NLRP2: variants seen among roughly 807,000 people sequenced by gnomAD.
NLRP2 encodes NACHT, LRR and PYD domains-containing protein 2.
Under a neutral mutation model 97.2 loss-of-function variants are expected in NLRP2, and 107 were observed. The observed-to-expected ratio is 1.10, with a 90% CI of 0.94 to 1.29. NLRP2 has a LOEUF of 1.29. Ranked by LOEUF, NLRP2 falls within the 50% of genes most tolerant of loss-of-function variation. The probability of loss-of-function intolerance (pLI) is 0.00; values close to 1 mark genes in which losing one functional copy is unlikely to be tolerated. For missense variants in NLRP2, 1,495 were observed against 1,330.3 expected (o/e 1.12, Z -1.93); for synonymous variants, 663 against 551.5 (o/e 1.20, Z -2.83).
At chr19:54,998,880 T>C (rs1335035330) in intron 12 of NLRP2, among the ~76,000 whole-genome samples, 3 of 151,288 alleles carry the variant, frequency 2.0e-5, no homozygotes, top group African/African-American at 7.3e-5. Flanking sequence ...AAAGCATATC[T>C]TGCACCGCCC....
intron 1 of NLRP2, among the ~76,000 whole-genome samples, chr19:54,967,891 T>C (rs1407522694): frequency 5.3e-5 from 8 of 151,554 alleles, no homozygotes; most frequent in Non-Finnish European, 1.2e-4. Flanking sequence ...TTATACCCTT[T>C]CTGTAAAGTT....
intron 10 of NLRP2, chr19:54,993,551 T>TAAAA: frequency 6.4e-6 from 1 of 156,276 alleles, no homozygotes; most frequent in Non-Finnish European, 1.4e-5. Flanking sequence ...TGTAAGACAC[T>TAAAA]ACCTCTCTAG....
In NLRP2 at chr19:54,977,796, C is replaced by G; in HGVS notation, c.370C>G (p.Leu124Val). Residue 124 changes from leucine to valine, a missense_variant, in exon 4 of 13, where the codon CTG (leucine) becomes GTG (valine). Leu to Val is a conservative substitution (Grantham distance 32, BLOSUM62 1). Coordinates refer to ENST00000448584, the MANE Select transcript of NLRP2 (RefSeq NM_017852.5). ...ERPPLDVDEM[L>V]ERFKTEAQAF... Reference sequence around the variant, plus strand: ...ACCACCTCTAGACGTGGACGAAATGCTGGAGCGCTTCAAAACAGAAGCACA... The same window carrying G: ...ACCACCTCTAGACGTGGACGAAATGGTGGAGCGCTTCAAAACAGAAGCACA... 1 of 1,613,806 alleles carries G rather than the reference C, an allele frequency of 6.2e-7. No homozygotes were observed. The highest frequency in any genetic ancestry group is 8.5e-7 in the Non-Finnish European group (1 of 1,180,006).
chr19:54,970,366 G>T, intron 2 of NLRP2, 71 bp downstream of exon 2: 1 of 1,582,872 alleles, frequency 6.3e-7, no homozygotes, highest in Non-Finnish European at 8.7e-7. Context: ...TAGAAATTCA[G>T]AAGGCCAGGC....
In NLRP2 at chr19:54,982,612, G is replaced by T. The variant is rs1451739013; in HGVS notation, c.914G>T (p.Cys305Phe). The T allele has an allele frequency of 3.7e-6, 6 of 1,614,166 alleles. No homozygotes were observed. The highest frequency in any genetic ancestry group is 2.2e-5 in the East Asian group (1 of 44,876). ...CCTGGGGCGCTGATCGAGGACATCT[G>T]CGGGGACTGGGAGAAGAAGAAGCCG... Reference protein sequence around the residue: ...AAPGALIEDICGDWEKKKPVP... With the variant: ...AAPGALIEDIFGDWEKKKPVP... Residue 305 changes from cysteine to phenylalanine, a missense_variant, in exon 6 of 13, where the codon TGC becomes TTC. Cys to Phe is a radical substitution (Grantham distance 205). Transcript: ENST00000448584.
intron 1 of NLRP2, among the ~76,000 whole-genome samples, chr19:54,969,000 T>C (rs1182283963): frequency 6.6e-6 from 1 of 152,100 alleles, no homozygotes; most frequent in Non-Finnish European, 1.5e-5. Context: ...CGCGCCCGGC[T>C]GTGTGTTTGC....
In NLRP2 at chr19:54,982,468, GT is replaced by G. The variant is rs1420418157; in HGVS notation, c.774del (p.Phe258LeufsTer20). On this transcript the variant is annotated frameshift_variant, in exon 6 of 13. Coordinates refer to ENST00000448584, the MANE Select transcript of NLRP2 (RefSeq NM_017852.5). LOFTEE classifies it high-confidence loss of function. ...CRELSRLGPC[S>X]FAELVFRDWP... is the part of the protein sequence containing the mutation. ...GAGCTCAGCCGCCTGGGCCCGTGCAGTTTTGCAGAGCTGGTCTTCAGGGACT... is the reference window on the plus strand; with the variant it reads ...GAGCTCAGCCGCCTGGGCCCGTGCAGTTTGCAGAGCTGGTCTTCAGGGACT... The G allele has an allele frequency of 1.9e-6, 3 of 1,614,202 alleles. No individual in the cohort carries two copies. The highest frequency in any genetic ancestry group is 2.5e-6 in the Non-Finnish European group (3 of 1,180,044).
At chr19:54,973,644 G>A (rs138777082) in intron 2 of NLRP2, among the ~76,000 whole-genome samples, 5 of 152,100 alleles carry the variant, frequency 3.3e-5, no homozygotes, top group Admixed American at 3.3e-4. Flanking sequence ...AGAGTGCTGG[G>A]ATTACAGGTG....
rs779497035 is a variant in NLRP2 at position 54,994,435 on chromosome 19, C to T, written c.2875C>T (p.Leu959=). ...LRKPLCNLRC[L]WLWGCSIPPF... ...GAAACCACTGTGCAACTTGAGATGT[C>T]TGTGGTGAGTTAACTTATAAGTTCA... The change falls in exon 11 of 13, where the codon CTG becomes TTG. Residue 959 remains leucine, a synonymous_variant. Transcript: ENST00000448584. 24 of 1,612,556 alleles carry T rather than the reference C, an allele frequency of 1.5e-5. No individual in the cohort carries two copies. Among genetic ancestry groups the T allele is most frequent in the Non-Finnish European group, 1.9e-5 (23 of 1,180,018 alleles).
intron 8 of NLRP2, among the ~76,000 whole-genome samples, chr19:54,987,135 C>A (rs919954427): frequency 4.7e-5 from 7 of 149,440 alleles, no homozygotes; most frequent in Admixed American, 1.3e-4. Context: ...TCTACCCCCC[C>A]ACCCCCACCC....
chr19:54,982,289 C>T lies in NLRP2; in HGVS notation c.591C>T (p.Asn197=), dbSNP rs2071629143. ...ACAAGATGCTGATCCCATTCAGCAA[C>T]CCCAGGGTGCTTCCCGGGCCCTTCT... ...ERYKMLIPFS[N]PRVLPGPFSY... is the part of the protein sequence containing the mutation. Residue 197 remains asparagine (N), a synonymous_variant, in exon 6 of 13, where the codon AAC becomes AAT. Coordinates refer to ENST00000448584, the MANE Select transcript of NLRP2 (RefSeq NM_017852.5). The T allele has an allele frequency of 6.2e-7, 1 of 1,613,964 alleles. No individual in the cohort carries two copies. Among genetic ancestry groups the T allele is most frequent in the Admixed American group, 1.7e-5 (1 of 59,982 alleles).
intron 10 of NLRP2, 36 bp from the exon 11 acceptor site, chr19:54,994,233 G>A (rs1371185804): frequency 6.8e-6 from 11 of 1,612,862 alleles, no homozygotes; most frequent in Non-Finnish European, 8.5e-6. Flanking sequence ...GAACTCACAG[G>A]TTCGGGTTTG....
chr19:54,995,681 A>G (rs1671133), intron 11 of NLRP2, among the ~76,000 whole-genome samples: 1 of 151,864 alleles, frequency 6.6e-6, no homozygotes, highest in South Asian at 2.1e-4. Flanking sequence ...TCTTACAAAT[A>G]CCTTGTGAGT....
At position 54,983,407 on chromosome 19, in the gene NLRP2, A is replaced by C. The variant is rs1200463287; in HGVS notation, c.1709A>C (p.Glu570Ala). The change falls in exon 6 of 13, where the codon GAG becomes GCG. Residue 570 changes from glutamate to alanine, a missense_variant. By Grantham distance (107) the Glu-to-Ala change is moderately radical. Coordinates refer to ENST00000448584, the MANE Select transcript of NLRP2 (RefSeq NM_017852.5). ...LANEKRAKEL[E>A]ATFGCRMSPD... ...AACGAGAAGAGAGCCAAGGAGTTGG[A>C]GGCCACTTTTGGCTGCCGGATGTCA... The C allele has an allele frequency of 1.2e-6, 2 of 1,614,200 alleles. No homozygotes were observed.
chr19:54,983,850 C>T (rs1276107012), intron 6 of NLRP2, 122 bp downstream of exon 6: 14 of 1,378,808 alleles, frequency 1.0e-5, no homozygotes, highest in Non-Finnish European at 1.3e-5. Flanking sequence ...TTGTTGGACT[C>T]TTTGTTTGTT....
chr19:54,990,203 CCT>C lies in NLRP2; in HGVS notation c.2537+16_2537+17del, dbSNP rs1392661269. 2.5e-6 allele frequency: 4 copies of C among 1,613,714 alleles called. No individual in the cohort carries two copies. The highest frequency in any genetic ancestry group is 3.3e-5 in the Admixed American group (2 of 59,974). Reference sequence around the variant, plus strand: ...TCTGCAGAGGTTGTCGTAAGTCTCTCCTCTCTTACAGAGCAGCTGTGCTTTCG... The same window carrying C: ...TCTGCAGAGGTTGTCGTAAGTCTCTCCTCTTACAGAGCAGCTGTGCTTTCG... On this transcript the variant is annotated intron_variant, in intron 9 of 12. Coordinates refer to ENST00000448584, the MANE Select transcript of NLRP2 (RefSeq NM_017852.5).
chr19:54,968,009 C>T (rs7247103), intron 1 of NLRP2, among the ~76,000 whole-genome samples: 2 of 151,222 alleles, frequency 1.3e-5, no homozygotes, highest in Non-Finnish European at 2.9e-5. Context: ...ACTTCCACCT[C>T]CCAGGTTCAA....
intron 2 of NLRP2, chr19:54,974,094 G>A (rs765298339): frequency 1.1e-5 from 9 of 847,366 alleles, no homozygotes; most frequent in East Asian, 5.5e-5. Flanking sequence ...GGTGGCTCAC[G>A]CCTGTAATCC....
At position 55,000,790 on chromosome 19, in the gene NLRP2, C is replaced by CAAT. The variant is rs780892679; in HGVS notation, c.3084_3086dup (p.Asn1028dup). On this transcript the variant is annotated inframe_insertion, in exon 13 of 13. Coordinates refer to ENST00000448584, the MANE Select transcript of NLRP2 (RefSeq NM_017852.5). Reference sequence around the variant, plus strand: ...AAATCGATGACTTTAATGATGAACTCAATAAGCTGCTGGAAGAAATAGAAG... The same window carrying CAAT: ...AAATCGATGACTTTAATGATGAACTCAATAATAAGCTGCTGGAAGAAATAGAAG... 2 of 1,613,532 alleles carry CAAT rather than the reference C, an allele frequency of 1.2e-6. No individual in the cohort carries two copies. Among genetic ancestry groups the CAAT allele is most frequent in the Admixed American group, 3.3e-5 (2 of 59,986 alleles).
Sources: gnomAD v4.1 joint callset for allele counts (sites outside exome capture counted in the v4.1 genomes callset) on GRCh38, gnomAD v4.1.1 for gene constraint, MANE v1.5 for transcripts, NCBI Gene and HGNC (gene_info 2026-07-23, HGNC 2026-07-21) for gene names.